The following TMEM161B variants were observed in gnomAD, a reference collection of about 807,000 sequenced individuals.
The protein encoded by TMEM161B is transmembrane protein 161B.
In TMEM161B, 34 loss-of-function variants were observed where a neutral mutation model predicts 61.8. The ratio of observed to expected loss-of-function variants is 0.55; its 90% CI spans 0.42 to 0.73. The LOEUF (loss-of-function observed/expected upper bound fraction) is 0.73. Ranked by LOEUF, TMEM161B falls within the 30% of genes least tolerant of loss-of-function variation. TMEM161B has a pLI of 0.00. For synonymous variants in TMEM161B, 167 were observed against 192.8 expected (o/e 0.87, Z 1.11); for missense variants, 456 against 558.5 (o/e 0.82, Z 1.85).
chr5:88,191,136 A>C (rs7727805), downstream of TMEM161B, among the ~76,000 whole-genome samples: 2,854 of 152,286 alleles, frequency 0.019, 72 homozygotes, highest in African/African-American at 0.064. Context: ...CATCCTGACC[A>C]CAAATCTCCT....
At chr5:88,209,849 A>G (rs1425698958) in intron 5 of TMEM161B, among the ~76,000 whole-genome samples, 1 of 54,874 alleles carries the variant, frequency 1.8e-5, no homozygotes, top group Non-Finnish European at 4.1e-5. Flanking sequence ...TTGGATCATA[A>G]TCTATCATCT....
At chr5:88,255,796 A>G (rs1252947505) in intron 1 of TMEM161B, among the ~76,000 whole-genome samples, 8 of 152,070 alleles carry the variant, frequency 5.3e-5, no homozygotes, top group Non-Finnish European at 1.0e-4. Context: ...GTCAAAAAGC[A>G]TAAATCCTCA....
At chr5:88,244,775 C>T (rs1171432936) in intron 1 of TMEM161B, among the ~76,000 whole-genome samples, 1 of 151,798 alleles carries the variant, frequency 6.6e-6, no homozygotes, top group Non-Finnish European at 1.5e-5. Context: ...TATCCAAGAG[C>T]ATGGAATTCT....
rs574248968 is a variant in TMEM161B, at chr5:88,206,451, C to A, written c.647G>T (p.Gly216Val). Residue 216 changes from glycine to valine, a missense_variant, in exon 7 of 12, where the codon GGT (glycine) becomes GTT (valine). Transcript: ENST00000296595. The stretch of plus-strand genomic sequence containing the variant: ...TTCAAAAACTTACTGAGATTCTAAA[C>A]CTTGCTTTTCAAGAAACTGCATCGC... ...DSAMQFLEKQ[G>V]LESQSPVSKL... is the part of the protein sequence containing the mutation. 1.3e-4 allele frequency: 207 copies of A among 1,600,608 alleles called. No individual in the cohort carries two copies. Among genetic ancestry groups the A allele is most frequent in the Non-Finnish European group, 1.7e-4 (198 of 1,173,952 alleles).
intron 11 of TMEM161B, 62 bp from the exon 12 acceptor site, chr5:88,196,550 A>C: frequency 4.1e-6 from 6 of 1,481,110 alleles, no homozygotes; most frequent in Non-Finnish European, 5.4e-6. Context: ...TTTTTATTAA[A>C]AAAAAATCTT....
In TMEM161B at chr5:88,196,177, G is replaced by T; in HGVS notation, c.*34C>A. ...AGGGCACAGATATTTTAATTTAAAG[G>T]GTGATTTGGATATGCTTTTTTGTTA... On this transcript the variant is annotated 3_prime_UTR_variant, in exon 12 of 12. Coordinates refer to ENST00000296595, the MANE Select transcript of TMEM161B (RefSeq NM_153354.5). 6.4e-7 allele frequency: 1 copy of T among 1,566,526 alleles called. No homozygotes were observed. Among genetic ancestry groups the T allele is most frequent in the Non-Finnish European group, 8.6e-7 (1 of 1,161,048 alleles).
At chr5:88,265,720 T>C (rs557404337) in intron 1 of TMEM161B, among the ~76,000 whole-genome samples, 1 of 152,178 alleles carries the variant, frequency 6.6e-6, no homozygotes, top group East Asian at 1.9e-4. Flanking sequence ...TACACACTCT[T>C]CCCAACACTC....
chr5:88,210,330 A>T (rs748694510), intron 5 of TMEM161B, among the ~76,000 whole-genome samples: 3 of 152,186 alleles, frequency 2.0e-5, no homozygotes, highest in Non-Finnish European at 4.4e-5. Context: ...ATACAATACA[A>T]ACAGATAATG....
At chr5:88,221,547 T>C in intron 4 of TMEM161B, 1 of 364,560 alleles carries the variant, frequency 2.7e-6, no homozygotes, top group Admixed American at 3.5e-5. Flanking sequence ...CCCTATTTTG[T>C]TCTGCAAAAA....
intron 5 of TMEM161B, among the ~76,000 whole-genome samples, chr5:88,215,009 A>C (rs1363265325): frequency 1.3e-5 from 2 of 152,254 alleles, no homozygotes; most frequent in Non-Finnish European, 2.9e-5. Context: ...TAGAAAGCAT[A>C]ATTTGCTGTC....
intron 4 of TMEM161B, 21 bp from the exon 5 acceptor site, chr5:88,220,740 A>AAAAAAAAAAAAAAAAAC: frequency 6.6e-7 from 1 of 1,516,876 alleles, no homozygotes; most frequent in Non-Finnish European, 8.8e-7. Context: ...AAAAAAAAAA[A>AAAAAAAAAAAAAAAAAC]AAAAAAAAAA....
chr5:88,202,602 C>A, intron 9 of TMEM161B: 1 of 235,186 alleles, frequency 4.3e-6, no homozygotes, highest in Non-Finnish European at 8.3e-6. Context: ...TATGAGTTTC[C>A]ATTTATACTT....
intron 1 of TMEM161B, among the ~76,000 whole-genome samples, chr5:88,254,720 T>C (rs1351346718): frequency 1.3e-5 from 2 of 152,026 alleles, no homozygotes; most frequent in African/African-American, 4.8e-5. Flanking sequence ...CATGTGCTTG[T>C]AATCCCAGCT....
intron 8 of TMEM161B, among the ~76,000 whole-genome samples, chr5:88,203,750 CATATATATATATATATAT>C (rs35091076): frequency 1.8e-3 from 167 of 93,664 alleles, no homozygotes; most frequent in African/African-American, 2.0e-3. Context: ...ATTTCCCTAT[CATATATATATATATATAT>C]ATATATATAT....
downstream of TMEM161B, among the ~76,000 whole-genome samples, chr5:88,191,786 T>C (rs1401897153): frequency 6.6e-6 from 1 of 150,524 alleles, no homozygotes; most frequent in Non-Finnish European, 1.5e-5. Context: ...TGAAACCCCG[T>C]CTCTATTAAA....
At chr5:88,264,943 G>A (rs1266958754) in intron 1 of TMEM161B, among the ~76,000 whole-genome samples, 1 of 151,856 alleles carries the variant, frequency 6.6e-6, no homozygotes, top group Non-Finnish European at 1.5e-5. Flanking sequence ...GGGGGTGGGG[G>A]GCAAGGGGAG....
At chr5:88,233,905 T>C (rs2112613651) in intron 2 of TMEM161B, among the ~76,000 whole-genome samples, 1 of 152,022 alleles carries the variant, frequency 6.6e-6, no homozygotes, top group East Asian at 1.9e-4. Flanking sequence ...CCTAAATCCA[T>C]AGGGATTAAT....
chr5:88,228,386 A>C, intron 3 of TMEM161B, 59 bp downstream of exon 3: 1 of 1,247,360 alleles, frequency 8.0e-7, no homozygotes, highest in Non-Finnish European at 1.1e-6. Context: ...AAAGCATAAA[A>C]ATGTATTTAT....
At chr5:88,267,170 T>G (rs561500804) in intron 1 of TMEM161B, among the ~76,000 whole-genome samples, 1 of 152,234 alleles carries the variant, frequency 6.6e-6, no homozygotes, top group African/African-American at 2.4e-5. Context: ...ACTGTTACTT[T>G]AGAAAAATCA....
Sources: allele counts gnomAD v4.1 joint callset (sites outside exome capture counted in the v4.1 genomes callset), GRCh38; gene constraint gnomAD v4.1.1; transcripts MANE v1.5; gene names NCBI Gene and HGNC (gene_info 2026-07-23, HGNC 2026-07-21).